Variants in ALDH1L1 observed in about 807,000 individuals in gnomAD.
ALDH1L1 encodes the protein cytosolic 10-formyltetrahydrofolate dehydrogenase.
In ALDH1L1, 68 loss-of-function variants were observed where a neutral mutation model predicts 101.1. That is an observed-to-expected ratio of 0.67 (90% CI 0.55 to 0.82). The LOEUF is 0.82. ALDH1L1 is among the 40% of genes least tolerant of loss of function. The probability of loss-of-function intolerance (pLI) is 0.00; values close to 1 mark genes in which losing one functional copy is unlikely to be tolerated. For synonymous variants in ALDH1L1, 486 were observed against 470.8 expected (o/e 1.03, Z -0.42); for missense variants, 1,087 against 1,172.7 (o/e 0.93, Z 1.07).
chr3:126,123,054 AT>A (rs551614631), intron 16 of ALDH1L1, among the ~76,000 whole-genome samples: 90 of 152,216 alleles, frequency 5.9e-4, no homozygotes, highest in Non-Finnish European at 1.1e-3. Context: ...ATGGAGGCAC[AT>A]TTTAGATTCA....
intron 1 of ALDH1L1, among the ~76,000 whole-genome samples, chr3:126,187,144 G>A (rs1445632650): frequency 6.6e-6 from 1 of 152,164 alleles, no homozygotes; most frequent in Non-Finnish European, 1.5e-5. Flanking sequence ...GGGAAAGGCT[G>A]TAATGAGAGA....
chr3:126,131,362 T>TG, intron 13 of ALDH1L1, 22 bp downstream of exon 13: 1 of 1,574,786 alleles, frequency 6.4e-7, no homozygotes. Context: ...GTGCTCACAC[T>TG]GGGTGGGAGC....
At chr3:126,164,332 C>T (rs1457757730) in intron 1 of ALDH1L1, among the ~76,000 whole-genome samples, 2 of 152,018 alleles carry the variant, frequency 1.3e-5, no homozygotes, top group Admixed American at 6.6e-5. Flanking sequence ...CATATTGCAC[C>T]CAGGTAGTAA....
At chr3:126,155,659 G>A in intron 4 of ALDH1L1, 156 bp from the exon 5 acceptor site, 1 of 574,508 alleles carries the variant, frequency 1.7e-6, no homozygotes. Context: ...GAACAAGGGA[G>A]TCAGCGTGAA....
upstream of ALDH1L1, among the ~76,000 whole-genome samples, chr3:126,186,396 T>A (rs1205706025): frequency 6.6e-6 from 1 of 152,128 alleles, no homozygotes; most frequent in Admixed American, 6.5e-5. Context: ...CGCAGGCATG[T>A]GCAAGACAAG....
At chr3:126,154,943 C>A (rs1001304253) in intron 5 of ALDH1L1, among the ~76,000 whole-genome samples, 1 of 152,220 alleles carries the variant, frequency 6.6e-6, no homozygotes, top group Non-Finnish European at 1.5e-5. Flanking sequence ...TCCCATAGGG[C>A]CCAACCTTTC....
chr3:126,113,010 G>A, intron 18 of ALDH1L1, 130 bp from the exon 19 acceptor site: 1 of 742,782 alleles, frequency 1.3e-6, no homozygotes, highest in Non-Finnish European at 2.2e-6. Flanking sequence ...CCTCCTGTGG[G>A]CCCCACTCAA....
intron 9 of ALDH1L1, among the ~76,000 whole-genome samples, chr3:126,145,283 T>C (rs1379817071): frequency 6.6e-6 from 1 of 152,198 alleles, no homozygotes; most frequent in East Asian, 1.9e-4. Flanking sequence ...GTGCAGCCTC[T>C]GTGGAGAATG....
chr3:126,154,917 A>G (rs1267438159), intron 5 of ALDH1L1, among the ~76,000 whole-genome samples: 1 of 152,168 alleles, frequency 6.6e-6, no homozygotes, highest in East Asian at 1.9e-4. Flanking sequence ...GCCCCAGCAC[A>G]ATGTACTCAG....
chr3:126,157,579 G>A (rs1470468593), intron 3 of ALDH1L1, 71 bp from the exon 4 acceptor site: 8 of 1,519,272 alleles, frequency 5.3e-6, no homozygotes, highest in East Asian at 2.3e-5. Flanking sequence ...GTACAGGCCC[G>A]TGGACCTGCC....
chr3:126,159,381 A>G (rs1170678325), intron 2 of ALDH1L1: 2 of 455,948 alleles, frequency 4.4e-6, no homozygotes, highest in Non-Finnish European at 4.4e-6. Context: ...TCTTAGCCTT[A>G]CAGTGGCAGC....
At chr3:126,109,830 G>C in intron 20 of ALDH1L1, 114 bp downstream of exon 20, 1 of 1,451,396 alleles carries the variant, frequency 6.9e-7, no homozygotes, top group East Asian at 2.3e-5. Context: ...GCTGCAGCCT[G>C]ACTGTGTAGG....
intron 1 of ALDH1L1, among the ~76,000 whole-genome samples, chr3:126,195,875 C>T (rs2081579041): frequency 6.6e-6 from 1 of 152,146 alleles, no homozygotes; most frequent in Non-Finnish European, 1.5e-5. Context: ...AAAAACCAAA[C>T]ACCGCACGTT....
At chr3:126,150,363 A>C (rs2080783753) in intron 8 of ALDH1L1, 43 bp downstream of exon 8, 1 of 1,545,968 alleles carries the variant, frequency 6.5e-7, no homozygotes, top group Non-Finnish European at 8.7e-7. Flanking sequence ...TGTGCACGGC[A>C]CAACCTGCCC....
chr3:126,189,152 G>A (rs939690548), intron 1 of ALDH1L1, among the ~76,000 whole-genome samples: 2 of 152,150 alleles, frequency 1.3e-5, no homozygotes, highest in African/African-American at 4.8e-5. Flanking sequence ...CATTAGGTAT[G>A]TTCCTAAAGT....
At chr3:126,183,452 C>T (rs1000467453), upstream of ALDH1L1, among the ~76,000 whole-genome samples, 30 of 152,078 alleles carry the variant, frequency 2.0e-4, no homozygotes, top group Admixed American at 2.0e-3. Flanking sequence ...GGATATGAAC[C>T]TGGGCTGCAT....
intron 21 of ALDH1L1, 91 bp from the exon 22 acceptor site, chr3:126,106,016 G>A: frequency 6.2e-6 from 8 of 1,288,888 alleles, no homozygotes; most frequent in Non-Finnish European, 8.6e-6. Context: ...CACCCCAGCT[G>A]CATAAGACCT....
chr3:126,158,695 C>G, intron 2 of ALDH1L1, 56 bp from the exon 3 acceptor site: 1 of 1,533,912 alleles, frequency 6.5e-7, no homozygotes, highest in Non-Finnish European at 9.0e-7. Context: ...CACACGCAGC[C>G]ACCTCTGCCT....
At chr3:126,130,325 G>C (rs147602698) in intron 13 of ALDH1L1, 32 bp from the exon 14 acceptor site, 6 of 1,576,022 alleles carry the variant, frequency 3.8e-6, no homozygotes, top group Non-Finnish European at 5.2e-6. Context: ...TCACCCAGGG[G>C]CCCAGGGTCC....
Sources: allele counts gnomAD v4.1 joint callset (sites outside exome capture counted in the v4.1 genomes callset), GRCh38; gene constraint gnomAD v4.1.1; transcripts MANE v1.5; gene names NCBI Gene and HGNC (gene_info 2026-07-23, HGNC 2026-07-21).